Variants in PEX5L observed in about 807,000 individuals in gnomAD.
The protein encoded by PEX5L is peroxisomal biogenesis factor 5 like.
A neutral mutation model predicts 84.0 loss-of-function variants in PEX5L; 30 were observed. The observed-to-expected ratio is 0.36, with a 90% CI of 0.27 to 0.48. PEX5L has a LOEUF of 0.48. Among genes scored for constraint, PEX5L ranks in the 20% least tolerant of loss-of-function variants. The probability of loss-of-function intolerance (pLI) is 0.99; values close to 1 mark genes in which losing one functional copy is unlikely to be tolerated. For synonymous variants in PEX5L, 270 were observed against 283.1 expected (o/e 0.95, Z 0.46); for missense variants, 533 against 754.6 (o/e 0.71, Z 3.44).
chr3:179,973,397 G>A (rs1042610864), intron 1 of PEX5L: 1 of 1,104,344 alleles, frequency 9.1e-7, no homozygotes, highest in Admixed American at 4.7e-5. Context: ...TGTAAACATT[G>A]TGAAATTTTT....
intron 1 of PEX5L, among the ~76,000 whole-genome samples, chr3:179,995,037 C>T (rs1270534172): frequency 6.8e-6 from 1 of 147,994 alleles, no homozygotes. Flanking sequence ...ACTTAATAAA[C>T]TCCCCTATAT....
chr3:179,880,054 T>A lies in PEX5L; in HGVS notation c.380A>T (p.Lys127Met). 1 of 1,614,064 alleles carries A rather than the reference T, an allele frequency of 6.2e-7. No homozygotes were observed. The highest frequency in any genetic ancestry group is 8.5e-7 in the Non-Finnish European group (1 of 1,179,946). The change falls in exon 5 of 15, where the codon AAG becomes ATG. Residue 127 changes from lysine (K) to methionine (M), a missense_variant. Coordinates refer to ENST00000467460, the MANE Select transcript of PEX5L (RefSeq NM_016559.3). ...TGAGGTTTTTGATGAGGGCTCTGAC[T>A]TCTTGGCTTTGGTTTGGGTTTGAGA... is the stretch of plus-strand genomic sequence containing the variant. The part of the protein sequence containing the change: ...PVSQTQTKAK[K>M]SEPSSKTSSL...
At chr3:180,014,139 T>C (rs766140050) in intron 1 of PEX5L, among the ~76,000 whole-genome samples, 1 of 152,228 alleles carries the variant, frequency 6.6e-6, no homozygotes, top group Non-Finnish European at 1.5e-5. Flanking sequence ...GTCATGTCAC[T>C]AGTTTCTCTT....
intron 2 of PEX5L, among the ~76,000 whole-genome samples, chr3:179,943,706 C>T (rs528324019): frequency 2.0e-5 from 3 of 152,326 alleles, no homozygotes; most frequent in Admixed American, 2.0e-4. Flanking sequence ...CTGTGGCCCG[C>T]TGCTGTCATT....
At chr3:180,035,363 A>G (rs977998449) in intron 1 of PEX5L, among the ~76,000 whole-genome samples, 1 of 152,196 alleles carries the variant, frequency 6.6e-6, no homozygotes, top group Non-Finnish European at 1.5e-5. Context: ...ATTTAAAAAT[A>G]TACTTCATTC....
chr3:180,025,407 T>A (rs1201445875), intron 1 of PEX5L, among the ~76,000 whole-genome samples: 1 of 152,220 alleles, frequency 6.6e-6, no homozygotes, highest in Non-Finnish European at 1.5e-5. Flanking sequence ...AAAGATGTAT[T>A]GGATAAAGTC....
intron 2 of PEX5L, among the ~76,000 whole-genome samples, chr3:179,960,136 T>C (rs1781648648): frequency 6.6e-6 from 1 of 152,212 alleles, no homozygotes; most frequent in African/African-American, 2.4e-5. Flanking sequence ...TCCCTCTTTG[T>C]TCTCTTACCA....
Position 179,875,427 on chromosome 3 carries a change from G to T in PEX5L, c.556C>A (p.Arg186=), listed in dbSNP as rs764449119. 2 of 1,611,882 alleles carry T rather than the reference G, an allele frequency of 1.2e-6. No individual in the cohort carries two copies. Among genetic ancestry groups the T allele is most frequent in the Non-Finnish European group, 8.5e-7 (1 of 1,178,588 alleles). Residue 186 remains arginine (R), a synonymous_variant, in exon 6 of 15, where the codon CGA becomes AGA. Transcript: ENST00000467460. ...GCCATTGGATGTCCCTTGGTATTTC[G>T]ATCTCCATGAAACTTAACATCGTCC... ...KWDDVKFHGD[R]NTKGHPMAER...
chr3:179,879,718 T>C (rs944461695), intron 5 of PEX5L, among the ~76,000 whole-genome samples: 1 of 152,202 alleles, frequency 6.6e-6, no homozygotes, highest in Non-Finnish European at 1.5e-5. Flanking sequence ...GTGGGTCGAA[T>C]AAATAAATGA....
chr3:179,859,185 T>C (rs781581054), intron 7 of PEX5L, 28 bp from the exon 8 acceptor site: 9 of 1,477,142 alleles, frequency 6.1e-6, no homozygotes, highest in South Asian at 1.1e-5. Flanking sequence ...CATAGTGTTA[T>C]AATATTAGAA....
intron 2 of PEX5L, among the ~76,000 whole-genome samples, chr3:179,941,507 T>C (rs1776083293): frequency 6.6e-6 from 1 of 152,192 alleles, no homozygotes; most frequent in Non-Finnish European, 1.5e-5. Context: ...TTGGTGGCAT[T>C]TCCCCCATTT....
At chr3:179,830,556 T>C (rs1336336706) in intron 8 of PEX5L, among the ~76,000 whole-genome samples, 2 of 152,172 alleles carry the variant, frequency 1.3e-5, no homozygotes, top group Non-Finnish European at 2.9e-5. Flanking sequence ...CAGCTATTCG[T>C]GCCTAATGTG....
rs148579530 is a variant in PEX5L, at chr3:179,870,421, C to G, written c.726+3906G>C. Among the ~76,000 whole-genome samples the G allele has an allele frequency of 9.2e-5, 14 of 151,618 alleles. No individual in the cohort carries two copies. In the East Asian group the frequency reaches 2.8e-3, roughly 30 times the overall value. The stretch of plus-strand genomic sequence containing the variant: ...TCTACACTTCTGCCCACTCCAAGAC[C>G]CTTAAAAACCCTAGCCCCAAACTCC... On this transcript the variant is annotated intron_variant, in intron 7 of 14. Transcript: ENST00000467460.
intron 8 of PEX5L, among the ~76,000 whole-genome samples, chr3:179,826,384 G>C (rs1730504881): frequency 6.6e-6 from 1 of 152,212 alleles, no homozygotes; most frequent in Admixed American, 6.5e-5. Flanking sequence ...GAATGTCTTT[G>C]CAGAACTGGA....
chr3:179,843,208 G>A lies in PEX5L; in HGVS notation c.822+15854C>T, dbSNP rs140754794. ...TCATAGACACAGATCATCACGGCAG[G>A]ACAGCCTTAGAAATCATTGAGTCCA... On this transcript the variant is annotated intron_variant, in intron 8 of 14. Coordinates refer to ENST00000467460, the MANE Select transcript of PEX5L (RefSeq NM_016559.3). Among the ~76,000 whole-genome samples the A allele has an allele frequency of 4.0e-4, 61 of 152,262 alleles. 1 individual carries two copies. Among genetic ancestry groups the A allele is most frequent in the African/African-American group, 1.4e-3 (58 of 41,558 alleles).
intron 2 of PEX5L, among the ~76,000 whole-genome samples, chr3:179,951,068 C>T (rs537373184): frequency 4.6e-5 from 7 of 152,312 alleles, no homozygotes; most frequent in South Asian, 4.2e-4. Context: ...GCTATTACAA[C>T]GGAGACTTTG....
chr3:179,898,053 T>C (rs1484532277), intron 3 of PEX5L, 89 bp downstream of exon 3: 3 of 769,096 alleles, frequency 3.9e-6, no homozygotes, highest in Non-Finnish European at 6.0e-6. Context: ...GGTTCAAGAG[T>C]TAAAGTTTTT....
At chr3:179,975,057 C>T (rs1328940239) in intron 1 of PEX5L, among the ~76,000 whole-genome samples, 8 of 152,026 alleles carry the variant, frequency 5.3e-5, no homozygotes, top group African/African-American at 1.7e-4. Flanking sequence ...GACGTAGTGG[C>T]GTGCACCTGT....
intron 7 of PEX5L, among the ~76,000 whole-genome samples, chr3:179,870,926 A>G (rs1010219855): frequency 2.0e-5 from 3 of 152,162 alleles, no homozygotes; most frequent in Non-Finnish European, 4.4e-5. Flanking sequence ...AAATTTGAAA[A>G]CATTAGTTCT....
Sources: allele counts gnomAD v4.1 joint callset (sites outside exome capture counted in the v4.1 genomes callset), GRCh38; gene constraint gnomAD v4.1.1; transcripts MANE v1.5; gene names NCBI Gene and HGNC (gene_info 2026-07-23, HGNC 2026-07-21).